Variants in GPR158 observed in about 807,000 individuals in gnomAD.
GPR158 encodes metabotropic glycine receptor.
Under a neutral mutation model 78.2 loss-of-function variants are expected in GPR158, and 30 were observed. The observed-to-expected ratio is 0.38, with a 90% CI of 0.29 to 0.52. The LOEUF is 0.52. Ranked by LOEUF, GPR158 falls within the 20% of genes least tolerant of loss-of-function variation. GPR158 has a pLI of 0.83. For missense variants in GPR158, 1,463 were observed against 1,523.5 expected (o/e 0.96, Z 0.66); for synonymous variants, 581 against 591.1 (o/e 0.98, Z 0.25).
intron 7 of GPR158, among the ~76,000 whole-genome samples, chr10:25,583,886 T>C (rs1837234708): frequency 6.6e-6 from 1 of 152,228 alleles, no homozygotes; most frequent in South Asian, 2.1e-4. Context: ...TTGAGTGGCA[T>C]TTGCACTTTG....
At chr10:25,397,712 AGTT>A (rs1199018473) in intron 3 of GPR158, among the ~76,000 whole-genome samples, 2 of 152,106 alleles carry the variant, frequency 1.3e-5, no homozygotes, top group Non-Finnish European at 2.9e-5. Context: ...GTTCTGAGTG[AGTT>A]GTTGTAGGCA....
intron 2 of GPR158, among the ~76,000 whole-genome samples, chr10:25,292,692 C>A (rs1317612859): frequency 6.6e-6 from 1 of 152,054 alleles, no homozygotes; most frequent in African/African-American, 2.4e-5. Flanking sequence ...CTAAATTGTA[C>A]AAAGTTGAGC....
At chr10:25,332,013 A>G (rs1318741333) in intron 2 of GPR158, among the ~76,000 whole-genome samples, 1 of 152,232 alleles carries the variant, frequency 6.6e-6, no homozygotes, top group African/African-American at 2.4e-5. Context: ...AAAAAAAGTT[A>G]AAAGTCCTTT....
intron 2 of GPR158, among the ~76,000 whole-genome samples, chr10:25,331,639 C>G (rs1253676296): frequency 1.3e-5 from 2 of 152,176 alleles, no homozygotes; most frequent in Non-Finnish European, 2.9e-5. Context: ...ATCAATGACT[C>G]TGTAAATATC....
At position 25,551,061 on chromosome 10, in the gene GPR158, G is replaced by A; in HGVS notation, c.1490G>A (p.Gly497Glu). The change falls in exon 6 of 11, where the codon GGA becomes GAA. Residue 497 changes from glycine (G) to glutamate (E), a missense_variant. By Grantham distance (98) the Gly-to-Glu change is moderately conservative. Coordinates refer to ENST00000376351, the MANE Select transcript of GPR158 (RefSeq NM_020752.3). ...CTTCTCGGTTTTGCTACTGTTTACG[G>A]AACTGTCACTCTCAAACTTCACAGG... Reference protein sequence around the residue: ...ARLLGFATVYGTVTLKLHRVL... With the variant: ...ARLLGFATVYETVTLKLHRVL... 1 of 1,592,860 alleles carries A rather than the reference G, an allele frequency of 6.3e-7. No homozygotes were observed. The highest frequency in any genetic ancestry group is 8.6e-7 in the Non-Finnish European group (1 of 1,160,752).
intron 5 of GPR158, among the ~76,000 whole-genome samples, chr10:25,474,014 G>A (rs1052943912): frequency 7.2e-5 from 11 of 152,136 alleles, no homozygotes; most frequent in Non-Finnish European, 1.3e-4. Context: ...TTATCTGGGT[G>A]TGACCATGGA....
At chr10:25,430,646 A>T (rs1036157713) in intron 4 of GPR158, among the ~76,000 whole-genome samples, 18 of 149,836 alleles carry the variant, frequency 1.2e-4, no homozygotes, top group Non-Finnish European at 2.5e-4. Flanking sequence ...ACAGCATGGT[A>T]CTGGTACCAA....
At chr10:25,321,271 A>T (rs1854944044) in intron 2 of GPR158, among the ~76,000 whole-genome samples, 1 of 152,192 alleles carries the variant, frequency 6.6e-6, no homozygotes, top group East Asian at 1.9e-4. Flanking sequence ...TTGTCATTCA[A>T]CTGAACATTA....
In GPR158 at chr10:25,326,867, T is replaced by A. The variant is rs183119182; in HGVS notation, c.1009-69044T>A. ...GTGCACTGTAAATACAGATGGTCAC[T>A]GACGATTATTTGACTTATGGCTTTT... On this transcript the variant is annotated intron_variant, in intron 2 of 10. Transcript: ENST00000376351. 3.3e-3 allele frequency among the ~76,000 whole-genome samples: 506 copies of A among 152,230 alleles called. 3 individuals are homozygous for A. The highest frequency in any genetic ancestry group is 0.011 in the African/African-American group (467 of 41,490).
chr10:25,212,985 G>A (rs1853156176), intron 1 of GPR158, among the ~76,000 whole-genome samples: 1 of 151,972 alleles, frequency 6.6e-6, no homozygotes, highest in African/African-American at 2.4e-5. Context: ...TTTTTTTACT[G>A]GAGATTGTTG....
At chr10:25,292,278 TAATG>T (rs978034173) in intron 2 of GPR158, among the ~76,000 whole-genome samples, 1 of 152,166 alleles carries the variant, frequency 6.6e-6, no homozygotes, top group African/African-American at 2.4e-5. Flanking sequence ...GAAACATTTT[TAATG>T]AATCAGTTTT....
chr10:25,516,235 A>C (rs1310528093), intron 5 of GPR158, among the ~76,000 whole-genome samples: 15 of 149,262 alleles, frequency 1.0e-4, no homozygotes, highest in Middle Eastern at 3.5e-3. Context: ...TTTTCTTGTA[A>C]ATTTGTTTGA....
At chr10:25,515,367 CTATT>C (rs992669526) in intron 5 of GPR158, among the ~76,000 whole-genome samples, 1 of 151,210 alleles carries the variant, frequency 6.6e-6, no homozygotes, top group African/African-American at 2.4e-5. Context: ...TTTATGTTAT[CTATT>C]TCTTTTTTTT....
intron 2 of GPR158, among the ~76,000 whole-genome samples, chr10:25,351,735 TC>T (rs1046736959): frequency 5.3e-5 from 8 of 151,740 alleles, no homozygotes; most frequent in South Asian, 2.1e-4. Flanking sequence ...TAATGTTTTT[TC>T]TTTTCTCCAA....
At chr10:25,282,610 C>T (rs1854291372) in intron 2 of GPR158, among the ~76,000 whole-genome samples, 1 of 152,074 alleles carries the variant, frequency 6.6e-6, no homozygotes, top group South Asian at 2.1e-4. Context: ...GAGTTCCGTT[C>T]GTTTTGCATC....
At chr10:25,380,509 T>C (rs984759465) in intron 2 of GPR158, among the ~76,000 whole-genome samples, 8 of 152,184 alleles carry the variant, frequency 5.3e-5, no homozygotes, top group Non-Finnish European at 7.4e-5. Flanking sequence ...ATTAGTAATG[T>C]ATTACATTTT....
intron 2 of GPR158, among the ~76,000 whole-genome samples, chr10:25,311,211 AAACTTTT>A (rs1218650576): frequency 7.0e-6 from 1 of 142,770 alleles, no homozygotes; most frequent in African/African-American, 3.0e-5. Flanking sequence ...AACGCTATAA[AAACTTTT>A]TGATTTTTTT....
At chr10:25,235,989 C>T (rs1055037143) in intron 2 of GPR158, among the ~76,000 whole-genome samples, 6 of 152,068 alleles carry the variant, frequency 3.9e-5, no homozygotes, top group South Asian at 2.1e-4. Flanking sequence ...AGCCACTGCG[C>T]CTGGCCTGCA....
chr10:25,510,779 T>C (rs553707229), intron 5 of GPR158, among the ~76,000 whole-genome samples: 27 of 152,326 alleles, frequency 1.8e-4, no homozygotes, highest in African/African-American at 6.3e-4. Flanking sequence ...CTCCCACTTA[T>C]GTGTAAGAAC....
Sources: allele counts gnomAD v4.1 joint callset (sites outside exome capture counted in the v4.1 genomes callset), GRCh38; gene constraint gnomAD v4.1.1; transcripts MANE v1.5; gene names NCBI Gene and HGNC (gene_info 2026-07-23, HGNC 2026-07-21).